ZNF407: variants seen among roughly 807,000 people sequenced by gnomAD.
ZNF407 encodes zinc finger protein 407.
Under a neutral mutation model 131.2 loss-of-function variants are expected in ZNF407, and 17 were observed. The ratio of observed to expected loss-of-function variants is 0.13; its 90% CI spans 0.09 to 0.19. The LOEUF (loss-of-function observed/expected upper bound fraction) is 0.19, where lower values mean the gene tolerates loss of function less well. Ranked by LOEUF, ZNF407 falls within the 10% of genes least tolerant of loss-of-function variation. The pLI is 1.00. For missense variants in ZNF407, 2,681 were observed against 2,830.6 expected (o/e 0.95, Z 1.20); for synonymous variants, 1,156 against 1,062.0 (o/e 1.09, Z -1.72).
At chr18:74,929,180 A>G (rs1167132952) in intron 8 of ZNF407, among the ~76,000 whole-genome samples, 1 of 152,144 alleles carries the variant, frequency 6.6e-6, no homozygotes, top group Non-Finnish European at 1.5e-5. Flanking sequence ...GAAAAAAACT[A>G]TATTCTCCCC....
intron 8 of ZNF407, among the ~76,000 whole-genome samples, chr18:75,010,640 G>A (rs1179741996): frequency 6.6e-6 from 1 of 152,182 alleles, no homozygotes; most frequent in Non-Finnish European, 1.5e-5. Flanking sequence ...TTTAAAAGCA[G>A]TGAGGATGCC....
At chr18:74,963,991 A>G (rs954673974) in intron 8 of ZNF407, among the ~76,000 whole-genome samples, 12 of 152,314 alleles carry the variant, frequency 7.9e-5, no homozygotes, top group Non-Finnish European at 1.0e-4. Context: ...GAGTGAATAG[A>G]AATATTTGTG....
At position 74,597,956 on chromosome 18, in the gene ZNF407, G is replaced by C. The variant is rs1458573813; in HGVS notation, c.-54+19G>C. 3.3e-5 allele frequency: 5 copies of C among 152,738 alleles called. No homozygotes were observed. The highest frequency in any genetic ancestry group is 2.1e-4 in the South Asian group (1 of 4,834). The allele number at this position is 152,738 out of a possible 1,614,324, so 9.5% of individuals were successfully genotyped here. A position where few individuals can be genotyped will look rare whatever the true frequency, so the allele number is the denominator to read the frequency against. On this transcript the variant is annotated intron_variant, in intron 1 of 8. Transcript: ENST00000299687. ...CAAACAGGTAAGTTATTCTCTGGCCGGGGCGGGGGGTTTGGAGGCGGGGAC... is the reference window on the plus strand; with the variant it reads ...CAAACAGGTAAGTTATTCTCTGGCCCGGGCGGGGGGTTTGGAGGCGGGGAC...
chr18:74,808,716 T>A (rs1970150628), intron 4 of ZNF407, among the ~76,000 whole-genome samples: 3 of 152,146 alleles, frequency 2.0e-5, no homozygotes, highest in African/African-American at 7.2e-5. Flanking sequence ...ACATTTTTTT[T>A]AAAGTTAATC....
intron 4 of ZNF407, among the ~76,000 whole-genome samples, chr18:74,852,751 T>C (rs1010543647): frequency 1.3e-5 from 2 of 152,310 alleles, no homozygotes; most frequent in East Asian, 3.9e-4. Context: ...CCAAGAAGGC[T>C]GTTCTGAAAA....
chr18:74,663,814 A>G (rs1439798894), intron 3 of ZNF407, among the ~76,000 whole-genome samples: 1 of 152,216 alleles, frequency 6.6e-6, no homozygotes, highest in South Asian at 2.1e-4. Context: ...AAACGGAGGT[A>G]CACACCGTCA....
At chr18:74,695,251 T>A (rs1967323436) in intron 3 of ZNF407, among the ~76,000 whole-genome samples, 1 of 152,218 alleles carries the variant, frequency 6.6e-6, no homozygotes, top group East Asian at 1.9e-4. Context: ...TGAAATTAGC[T>A]GTTTTTTGTG....
intron 8 of ZNF407, among the ~76,000 whole-genome samples, chr18:75,043,243 T>G (rs185622644): frequency 3.1e-4 from 47 of 152,348 alleles, no homozygotes; most frequent in African/African-American, 1.1e-3. Flanking sequence ...ATCATGGTTT[T>G]AATTTGCATT....
Position 75,064,282 on chromosome 18 carries a change from C to T in ZNF407, c.6561C>T (p.Ser2187=), listed in dbSNP as rs763844075. 6.2e-7 allele frequency: 1 copy of T among 1,604,520 alleles called. No individual in the cohort carries two copies. The highest frequency in any genetic ancestry group is 1.3e-5 in the African/African-American group (1 of 74,834). The change falls in exon 9 of 9, where the codon TCC becomes TCT. Residue 2187 remains serine, a synonymous_variant. Transcript: ENST00000299687. The part of the protein sequence containing the change: ...PGVQDEPGLY[S]HTVLETADSQ... ...TGCAGGACGAGCCGGGCCTGTACTC[C>T]CACACCGTGCTGGAGACTGCGGACT...
intron 8 of ZNF407, among the ~76,000 whole-genome samples, chr18:75,009,450 C>T (rs1972948701): frequency 6.6e-6 from 1 of 152,094 alleles, no homozygotes; most frequent in African/African-American, 2.4e-5. Context: ...ATTGGTGCCT[C>T]AGGGAAAATT....
chr18:74,887,978 G>A (rs150931553), intron 6 of ZNF407, among the ~76,000 whole-genome samples: 1,895 of 152,256 alleles, frequency 0.012, 18 homozygotes, highest in Middle Eastern at 0.031. Context: ...ATAAATAGAC[G>A]TAGAATGTAG....
intron 3 of ZNF407, among the ~76,000 whole-genome samples, chr18:74,781,001 C>T (rs1969589069): frequency 6.6e-6 from 1 of 152,064 alleles, no homozygotes; most frequent in Admixed American, 6.5e-5. Flanking sequence ...AAGGAAGCTC[C>T]ATGAAAGCTA....
chr18:74,964,308 T>G (rs936175105), intron 8 of ZNF407, among the ~76,000 whole-genome samples: 3 of 152,240 alleles, frequency 2.0e-5, no homozygotes, highest in African/African-American at 4.8e-5. Context: ...TGTACCCATA[T>G]GCACATGCAT....
chr18:74,616,707 CTCT>C (rs1983302342), intron 1 of ZNF407, among the ~76,000 whole-genome samples: 3 of 151,326 alleles, frequency 2.0e-5, no homozygotes, highest in Admixed American at 1.3e-4. Flanking sequence ...TTGTTGTTTC[CTCT>C]CACTCTTGCT....
intron 8 of ZNF407, among the ~76,000 whole-genome samples, chr18:74,958,760 G>A (rs1024008913): frequency 2.0e-5 from 3 of 152,176 alleles, no homozygotes; most frequent in Non-Finnish European, 4.4e-5. Context: ...AAAGTGTTCT[G>A]CACTAATTTT....
At chr18:75,026,339 A>G (rs959849518) in intron 8 of ZNF407, among the ~76,000 whole-genome samples, 3 of 152,226 alleles carry the variant, frequency 2.0e-5, no homozygotes, top group African/African-American at 4.8e-5. Flanking sequence ...GAATTCCTTT[A>G]TAACAAAATC....
chr18:74,656,229 AC>A (rs1985450210), intron 3 of ZNF407, among the ~76,000 whole-genome samples: 1 of 152,076 alleles, frequency 6.6e-6, no homozygotes, highest in Non-Finnish European at 1.5e-5. Flanking sequence ...ACAATTCAAA[AC>A]TTTAGTTAGG....
At chr18:74,752,019 C>T (rs1478188524) in intron 3 of ZNF407, among the ~76,000 whole-genome samples, 2 of 152,198 alleles carry the variant, frequency 1.3e-5, no homozygotes, top group Non-Finnish European at 2.9e-5. Context: ...TTCTCCATAT[C>T]CTCTCCAGCA....
chr18:74,618,374 C>T (rs1983399753), intron 1 of ZNF407, among the ~76,000 whole-genome samples: 1 of 152,110 alleles, frequency 6.6e-6, no homozygotes, highest in African/African-American at 2.4e-5. Flanking sequence ...CTGCAACTTC[C>T]CAGTCACCCA....
Sources: gnomAD v4.1 joint callset for allele counts (sites outside exome capture counted in the v4.1 genomes callset) on GRCh38, gnomAD v4.1.1 for gene constraint, MANE v1.5 for transcripts, NCBI Gene and HGNC (gene_info 2026-07-23, HGNC 2026-07-21) for gene names.